FAT3: variants seen among roughly 807,000 people sequenced by gnomAD.
The protein encoded by FAT3 is protocadherin Fat 3.
In FAT3, 95 loss-of-function variants were observed where a neutral mutation model predicts 310.2. The ratio of observed to expected loss-of-function variants is 0.31; its 90% CI spans 0.26 to 0.36. FAT3 has a LOEUF of 0.36. Ranked by LOEUF, FAT3 falls within the 10% of genes least tolerant of loss-of-function variation. The pLI, the probability that FAT3 is intolerant of heterozygous loss-of-function variation, is 1.00. For synonymous variants in FAT3, 2,314 were observed against 2,192.9 expected (o/e 1.06, Z -1.54); for missense variants, 5,408 against 5,715.6 (o/e 0.95, Z 1.74).
chr11:92,647,801 G>A (rs1362558862), intron 3 of FAT3, among the ~76,000 whole-genome samples: 1 of 152,116 alleles, frequency 6.6e-6, no homozygotes, highest in African/African-American at 2.4e-5. Flanking sequence ...GGAAACAGTA[G>A]ACATTTGCTT....
chr11:92,450,542 C>T (rs1190011165), intron 2 of FAT3, among the ~76,000 whole-genome samples: 1 of 152,132 alleles, frequency 6.6e-6, no homozygotes, highest in Non-Finnish European at 1.5e-5. Flanking sequence ...CAACACAAGA[C>T]TGGAAACAAT....
chr11:92,808,196 G>A (rs1050076253), intron 12 of FAT3, among the ~76,000 whole-genome samples: 1 of 152,110 alleles, frequency 6.6e-6, no homozygotes, highest in Non-Finnish European at 1.5e-5. Context: ...CATGCCCAGG[G>A]GATATTGTAA....
chr11:92,766,183 C>G (rs962492235), intron 6 of FAT3, among the ~76,000 whole-genome samples: 6 of 152,210 alleles, frequency 3.9e-5, no homozygotes, highest in African/African-American at 1.4e-4. Context: ...CCCTATGGCC[C>G]TTGACAAACC....
Position 92,857,221 on chromosome 11 carries a change from G to C in FAT3, c.11373G>C (p.Leu3791=), listed in dbSNP as rs1343596013. ...ATTCCACCTTTGTCACAGGAGGACTGTGTCCGGGGTCCAACGATCCTTGTG... is the reference window on the plus strand; with the variant it reads ...ATTCCACCTTTGTCACAGGAGGACTCTGTCCGGGGTCCAACGATCCTTGTG... The part of the protein sequence containing the change: ...RNVRCTCNGG[L]CPGSNDPCVE... Residue 3791 remains leucine, a synonymous_variant, in exon 20 of 28, where the codon CTG becomes CTC. Transcript: ENST00000525166. 1 of 1,613,986 alleles carries C rather than the reference G, an allele frequency of 6.2e-7. No homozygotes were observed. Among genetic ancestry groups the C allele is most frequent in the Non-Finnish European group, 8.5e-7 (1 of 1,179,886 alleles).
chr11:92,271,644 A>G (rs1591035757), intron 1 of FAT3, among the ~76,000 whole-genome samples: 2 of 152,144 alleles, frequency 1.3e-5, no homozygotes, highest in Admixed American at 1.3e-4. Context: ...TGTTGCAATA[A>G]ATACTGATTG....
chr11:92,708,340 T>G (rs1944420439), intron 4 of FAT3, among the ~76,000 whole-genome samples: 1 of 152,226 alleles, frequency 6.6e-6, no homozygotes, highest in Admixed American at 6.5e-5. Context: ...CCCTTTACAT[T>G]TATATCAAAC....
intron 22 of FAT3, 41 bp from the exon 23 acceptor site, chr11:92,880,690 G>C (rs2136396685): frequency 6.3e-7 from 1 of 1,596,070 alleles, no homozygotes; most frequent in Non-Finnish European, 8.5e-7. Flanking sequence ...CTCAGCCCTA[G>C]CAGTGGCATC....
intron 1 of FAT3, among the ~76,000 whole-genome samples, chr11:92,317,770 G>T (rs1947501810): frequency 6.6e-6 from 1 of 152,158 alleles, no homozygotes; most frequent in Admixed American, 6.5e-5. Flanking sequence ...CAAAGTGGGG[G>T]CACTGGTGTA....
chr11:92,629,873 A>C (rs1941490847), intron 3 of FAT3, among the ~76,000 whole-genome samples: 1 of 152,176 alleles, frequency 6.6e-6, no homozygotes, highest in African/African-American at 2.4e-5. Context: ...CATGTACATC[A>C]GAATTCACCA....
intron 1 of FAT3, among the ~76,000 whole-genome samples, chr11:92,309,617 A>G (rs1374393363): frequency 6.6e-6 from 1 of 152,018 alleles, no homozygotes; most frequent in East Asian, 1.9e-4. Flanking sequence ...AAAGGTTTTT[A>G]AGAAACTGAG....
intron 3 of FAT3, among the ~76,000 whole-genome samples, chr11:92,606,098 G>A (rs1451406997): frequency 6.6e-6 from 1 of 152,102 alleles, no homozygotes; most frequent in Admixed American, 6.6e-5. Context: ...TGGTGAGTGA[G>A]CCCTAGTCTT....
At chr11:92,849,963 G>A (rs929663467) in intron 19 of FAT3, among the ~76,000 whole-genome samples, 3 of 152,156 alleles carry the variant, frequency 2.0e-5, no homozygotes, top group African/African-American at 4.8e-5. Context: ...AGGTAGGATA[G>A]GTAAAGCAGG....
chr11:92,664,771 T>A (rs575634977), intron 3 of FAT3, among the ~76,000 whole-genome samples: 23 of 152,346 alleles, frequency 1.5e-4, no homozygotes, highest in Admixed American at 1.4e-3. Context: ...ACATCTTTCT[T>A]ATGCAATATA....
At chr11:92,303,265 T>C (rs1182333955) in intron 1 of FAT3, among the ~76,000 whole-genome samples, 1 of 152,122 alleles carries the variant, frequency 6.6e-6, no homozygotes, top group Non-Finnish European at 1.5e-5. Context: ...AGGTACCATT[T>C]AGGATCGCTT....
chr11:92,608,663 A>T (rs1940418424), intron 3 of FAT3, among the ~76,000 whole-genome samples: 1 of 151,818 alleles, frequency 6.6e-6, no homozygotes, highest in Non-Finnish European at 1.5e-5. Flanking sequence ...GAGAACTGAT[A>T]AAAACCTAAT....
chr11:92,356,736 A>G lies in FAT3; in HGVS notation c.3292+1332A>G, dbSNP rs557653504. Among the ~76,000 whole-genome samples, 139 of 152,266 alleles carry G rather than the reference A, an allele frequency of 9.1e-4. 1 individual carries two copies. The highest frequency in any genetic ancestry group is 3.2e-3 in the African/African-American group (131 of 41,568). ...TTAGGGCTTCAGAGTATGAATTTGT[A>G]GGGGACACATACATTCAGTTCATAA... On this transcript the variant is annotated intron_variant, in intron 2 of 27. Transcript: ENST00000525166.
At chr11:92,411,758 T>C (rs1343542043) in intron 2 of FAT3, among the ~76,000 whole-genome samples, 1 of 151,950 alleles carries the variant, frequency 6.6e-6, no homozygotes, top group East Asian at 1.9e-4. Context: ...TTATTTTTTC[T>C]GAATCTAAAT....
At chr11:92,469,834 A>G (rs1951863288) in intron 2 of FAT3, among the ~76,000 whole-genome samples, 1 of 151,632 alleles carries the variant, frequency 6.6e-6, no homozygotes, top group African/African-American at 2.4e-5. Context: ...ATTATTAAAG[A>G]TAAAAAATAT....
chr11:92,397,690 C>T (rs1949906003), intron 2 of FAT3, among the ~76,000 whole-genome samples: 1 of 152,022 alleles, frequency 6.6e-6, no homozygotes. Context: ...GAGAGAAGCT[C>T]GCTTTTTCCA....
Sources: allele counts gnomAD v4.1 joint callset (sites outside exome capture counted in the v4.1 genomes callset), GRCh38; gene constraint gnomAD v4.1.1; transcripts MANE v1.5; gene names NCBI Gene and HGNC (gene_info 2026-07-23, HGNC 2026-07-21).